The following SDHC variants were observed in gnomAD, a reference collection of about 807,000 sequenced individuals.
SDHC encodes succinate dehydrogenase cytochrome b560 subunit, mitochondrial.
In SDHC, 11 loss-of-function variants were observed where a neutral mutation model predicts 22.6. That is an observed-to-expected ratio of 0.49 (90% CI 0.31 to 0.81). SDHC has a LOEUF of 0.81. Ranked by LOEUF, SDHC falls within the 30% of genes least tolerant of loss-of-function variation. SDHC has a pLI of 0.05. For missense variants in SDHC, 160 were observed against 212.0 expected, an observed-to-expected ratio of 0.75 and a Z score of 1.52; for synonymous variants, 80 against 77.8, an observed-to-expected ratio of 1.03 and a Z score of -0.15.
At chr1:161,347,378 C>T (rs1461413487) in intron 4 of SDHC, among the ~76,000 whole-genome samples, 1 of 152,010 alleles carries the variant, frequency 6.6e-6, no homozygotes, top group Non-Finnish European at 1.5e-5. Context: ...CTCAGCCTTC[C>T]GAGTAGCTGG....
rs746315913 is a variant in SDHC at position 161,328,421 on chromosome 1, A to G, written c.103A>G (p.Lys35Glu). The G allele has an allele frequency of 1.2e-6, 2 of 1,613,660 alleles. No homozygotes were observed. The highest frequency in any genetic ancestry group is 1.7e-6 in the Non-Finnish European group (2 of 1,179,702). ...RNAVPLGTTA[K>E]EEMERFWNKN... ...TGCTGTTCCTTTGGGAACCACGGCCAAAGAAGAGATGGAGCGGTTCTGGAA... is the reference window on the plus strand; with the variant it reads ...TGCTGTTCCTTTGGGAACCACGGCCGAAGAAGAGATGGAGCGGTTCTGGAA... Residue 35 changes from lysine (K) to glutamate (E), a missense_variant, in exon 3 of 6, where the codon AAA (lysine) becomes GAA (glutamate). This residue lies in a region of SDHC where 86 missense variants were observed against 83.4 expected (regional missense o/e 1.03). Coordinates refer to ENST00000367975, the MANE Select transcript of SDHC (RefSeq NM_003001.5).
At chr1:161,318,179 A>G (rs909800852) in intron 1 of SDHC, among the ~76,000 whole-genome samples, 4 of 152,206 alleles carry the variant, frequency 2.6e-5, no homozygotes, top group African/African-American at 9.6e-5. Flanking sequence ...CTCAAAAAAA[A>G]AAAAATTGTA....
chr1:161,336,412 G>A (rs1292393308), intron 3 of SDHC, among the ~76,000 whole-genome samples: 2 of 151,390 alleles, frequency 1.3e-5, no homozygotes, highest in Admixed American at 6.6e-5. Context: ...CCAAGATTGC[G>A]CCACTGCACT....
At chr1:161,341,229 T>TA (rs1671709339) in intron 4 of SDHC, among the ~76,000 whole-genome samples, 1 of 152,196 alleles carries the variant, frequency 6.6e-6, no homozygotes, top group Non-Finnish European at 1.5e-5. Flanking sequence ...AGAAATGTAA[T>TA]AGAGATGGGC....
chr1:161,330,950 A>T (rs1436008460), intron 3 of SDHC, among the ~76,000 whole-genome samples: 1 of 147,248 alleles, frequency 6.8e-6, no homozygotes, highest in Non-Finnish European at 1.5e-5. Flanking sequence ...GTGAGCCGAG[A>T]TTGCGAGATT....
chr1:161,360,399 A>C (rs1365042788), intron 5 of SDHC, among the ~76,000 whole-genome samples: 1 of 151,696 alleles, frequency 6.6e-6, no homozygotes, highest in Non-Finnish European at 1.5e-5. Flanking sequence ...TACCAAAAAT[A>C]CAAAAAATTA....
Position 161,314,435 on chromosome 1 carries a change from G to C in SDHC, c.20+10G>C. ...CTGCGCTGTTGCTGAGGTGACTTCA[G>C]TGGGACTGGGAGTTGGTGCCTGCGG... On this transcript the variant is annotated intron_variant, in intron 1 of 5. Coordinates refer to ENST00000367975, the MANE Select transcript of SDHC (RefSeq NM_003001.5). The C allele has an allele frequency of 9.5e-6, 15 of 1,580,984 alleles. No homozygotes were observed. The highest frequency in any genetic ancestry group is 1.3e-5 in the Non-Finnish European group (15 of 1,171,494).
intron 5 of SDHC, among the ~76,000 whole-genome samples, chr1:161,357,866 G>C (rs977048387): frequency 1.3e-5 from 2 of 152,068 alleles, no homozygotes; most frequent in African/African-American, 4.8e-5. Flanking sequence ...TCATTCTTCC[G>C]TTCCTGTTGA....
chr1:161,355,759 G>C (rs1051770732), intron 4 of SDHC, among the ~76,000 whole-genome samples: 1 of 151,940 alleles, frequency 6.6e-6, no homozygotes, highest in African/African-American at 2.4e-5. Context: ...TGAGGTGGGC[G>C]AATCACTTGA....
chr1:161,339,378 G>A (rs1671621442), intron 3 of SDHC, among the ~76,000 whole-genome samples: 1 of 150,472 alleles, frequency 6.6e-6, no homozygotes, highest in African/African-American at 2.4e-5. Context: ...TAAAGATGGG[G>A]TCTCATTACG....
At position 161,362,606 on chromosome 1, in the gene SDHC, G is replaced by A; in HGVS notation, c.*173G>A. On this transcript the variant is annotated 3_prime_UTR_variant, in exon 6 of 6. Coordinates refer to ENST00000367975, the MANE Select transcript of SDHC (RefSeq NM_003001.5). ...CCTGGTAGACCATAATAGTGGAAAA[G>A]GGTCTAGTTTTCCCCTTGTTTCTAA... The A allele has an allele frequency of 1.9e-6, 3 of 1,605,314 alleles. No individual in the cohort carries two copies. The highest frequency in any genetic ancestry group is 1.7e-6 in the Non-Finnish European group (2 of 1,175,940).
At chr1:161,323,709 T>G in intron 2 of SDHC, 39 bp downstream of exon 2, 1 of 1,523,038 alleles carries the variant, frequency 6.6e-7, no homozygotes, top group Non-Finnish European at 9.0e-7. Context: ...TTTATTTTTT[T>G]TTTTGAGACG....
At chr1:161,356,897 G>A (rs2102371779) in intron 5 of SDHC, 57 bp downstream of exon 5, 1 of 1,548,030 alleles carries the variant, frequency 6.5e-7, no homozygotes, top group Non-Finnish European at 8.9e-7. Flanking sequence ...GAGACTGGGA[G>A]GATTCTTTCC....
chr1:161,358,646 G>T (rs542802071), intron 5 of SDHC, among the ~76,000 whole-genome samples: 3 of 151,446 alleles, frequency 2.0e-5, no homozygotes, highest in Non-Finnish European at 2.9e-5. Context: ...AAAAAAAATA[G>T]GCGGGCACAG....
At chr1:161,351,823 C>G (rs1001471775) in intron 4 of SDHC, among the ~76,000 whole-genome samples, 2 of 152,230 alleles carry the variant, frequency 1.3e-5, no homozygotes, top group Non-Finnish European at 2.9e-5. Context: ...GAGTTTTAAT[C>G]ATCAGTTGGA....
chr1:161,360,222 A>G (rs983784110), intron 5 of SDHC, among the ~76,000 whole-genome samples: 3 of 150,404 alleles, frequency 2.0e-5, no homozygotes, highest in Non-Finnish European at 4.4e-5. Flanking sequence ...TAATATGTTA[A>G]TATCCCTAAG....
chr1:161,318,395 G>A (rs1294827893), intron 1 of SDHC, among the ~76,000 whole-genome samples: 1 of 152,112 alleles, frequency 6.6e-6, no homozygotes, highest in Non-Finnish European at 1.5e-5. Flanking sequence ...AAACAGTTCA[G>A]GGACCAGCTA....
intron 3 of SDHC, among the ~76,000 whole-genome samples, chr1:161,328,970 C>T (rs1266632143): frequency 1.3e-5 from 2 of 151,928 alleles, no homozygotes; most frequent in Admixed American, 6.6e-5. Context: ...TGTAGTGGCG[C>T]GATCTCAGCT....
intron 4 of SDHC, among the ~76,000 whole-genome samples, chr1:161,343,865 TA>T (rs1477777360): frequency 1.3e-5 from 2 of 152,146 alleles, no homozygotes; most frequent in Non-Finnish European, 2.9e-5. Context: ...ACTATAATGA[TA>T]AAAAAATATT....
Sources: allele counts gnomAD v4.1 joint callset (sites outside exome capture counted in the v4.1 genomes callset), GRCh38; gene constraint gnomAD v4.1.1; regional missense constraint gnomAD v4.1.1; transcripts MANE v1.5; gene names NCBI Gene and HGNC (gene_info 2026-07-23, HGNC 2026-07-21).